Variants in MINK1 observed in about 807,000 individuals in gnomAD.
The protein encoded by MINK1 is misshapen-like kinase 1.
A neutral mutation model predicts 178.4 loss-of-function variants in MINK1; 46 were observed. The ratio of observed to expected loss-of-function variants is 0.26; its 90% CI spans 0.20 to 0.33. The LOEUF (loss-of-function observed/expected upper bound fraction) is 0.33. Among genes scored for constraint, MINK1 ranks in the 10% least tolerant of loss-of-function variants. The pLI, the probability that MINK1 is intolerant of heterozygous loss-of-function variation, is 1.00. For missense variants in MINK1, 1,366 were observed against 1,814.9 expected (o/e 0.75, Z 4.49); for synonymous variants, 797 against 709.7 (o/e 1.12, Z -1.96).
chr17:4,847,234 A>G (rs189073077), intron 1 of MINK1: 5,269 of 409,644 alleles, frequency 0.013, 61 homozygotes, highest in Non-Finnish European at 0.016. Flanking sequence ...GTTCCAGTTC[A>G]TTCATTCATT....
rs1455498886 is a variant in MINK1 at position 4,886,791 on chromosome 17, C to T, written c.949+165C>T. Among the ~76,000 whole-genome samples, 1 of 152,202 alleles carries T rather than the reference C, an allele frequency of 6.6e-6. No individual in the cohort carries two copies. The highest frequency in any genetic ancestry group is 1.5e-5 in the Non-Finnish European group (1 of 68,028). On this transcript the variant is annotated intron_variant, in intron 10 of 31. Transcript: ENST00000355280. The surrounding 1 kb of genome is among the most constrained non-coding windows in gnomAD (Gnocchi z 6.1). ...AACTTGCAACCCCCAAGGGGTTTTC[C>T]CTCCTTTCCCTCCCAGTCTGAATCA... is the stretch of plus-strand genomic sequence containing the variant.
Position 4,894,455 on chromosome 17 carries a change from G to T in MINK1, c.2809-70G>T, listed in dbSNP as rs953840499. 2.0e-6 allele frequency: 3 copies of T among 1,519,080 alleles called. No individual in the cohort carries two copies. Among genetic ancestry groups the T allele is most frequent in the East Asian group, 2.4e-5 (1 of 40,980 alleles). 94.1% of individuals were successfully genotyped at this position (1,519,080 alleles called of 1,614,324 possible). A position where few individuals can be genotyped will look rare whatever the true frequency, so the allele number is the denominator to read the frequency against. ...GCCAGTTGGGGAGCTGGAGCCTGGG[G>T]AACAGCAGCAGGGGCAGGGCCGCAG... On this transcript the variant is annotated intron_variant, in intron 23 of 31. Coordinates refer to ENST00000355280, the MANE Select transcript of MINK1 (RefSeq NM_153827.5). This position sits in a 1 kb window ranked among gnomAD's most constrained non-coding sequence, Gnocchi z 4.1.
chr17:4,871,158 C>T, intron 1 of MINK1: 1 of 231,136 alleles, frequency 4.3e-6, no homozygotes, highest in Non-Finnish European at 9.4e-6. Context: ...AGTTTATTCC[C>T]TTTTTTTGTT....
rs765343387 is a variant in MINK1, at chr17:4,892,130, C to T, written c.2002-19C>T. On this transcript the variant is annotated intron_variant, in intron 16 of 31. Coordinates refer to ENST00000355280, the MANE Select transcript of MINK1 (RefSeq NM_153827.5). ...CCTGTCGCAGCGCCAGCTCGCAGCA[C>T]GTGGACTTCTCTCCACAGGTGCCTC... The T allele has an allele frequency of 9.5e-6, 15 of 1,572,762 alleles. No individual in the cohort carries two copies. The highest frequency in any genetic ancestry group is 8.1e-5 in the African/African-American group (6 of 73,832).
At chr17:4,897,159 C>A in intron 31 of MINK1, 45 bp from the exon 32 acceptor site, 4 of 1,539,596 alleles carry the variant, frequency 2.6e-6, no homozygotes, top group Non-Finnish European at 3.6e-6. Flanking sequence ...TTGAGACACC[C>A]CCCCAACCTC....
intron 2 of MINK1, among the ~76,000 whole-genome samples, chr17:4,880,344 T>G (rs2150988265): frequency 6.7e-6 from 1 of 148,428 alleles, no homozygotes; most frequent in African/African-American, 2.5e-5. Context: ...GTCCCCCAGG[T>G]GGGAGTGCAG....
At chr17:4,846,867 G>A (rs1911121925) in intron 1 of MINK1, among the ~76,000 whole-genome samples, 1 of 152,164 alleles carries the variant, frequency 6.6e-6, no homozygotes, top group Non-Finnish European at 1.5e-5. Context: ...CCAGCAGTCG[G>A]CCAAGGCCTC....
intron 13 of MINK1, chr17:4,890,279 C>T (rs1968658723): frequency 7.8e-7 from 1 of 1,283,250 alleles, no homozygotes; most frequent in African/African-American, 1.5e-5. Context: ...CCTTCAGCAA[C>T]AGCTGCTCCA....
intron 1 of MINK1, among the ~76,000 whole-genome samples, chr17:4,867,165 T>TA (rs1491180705): frequency 1.8e-4 from 15 of 81,628 alleles, no homozygotes; most frequent in African/African-American, 5.8e-4. Flanking sequence ...TTTTTTTTTT[T>TA]AAGCCAGGGT....
Position 4,894,416 on chromosome 17 carries a change from T to C in MINK1, c.2808+105T>C, listed in dbSNP as rs1969211399. The C allele has an allele frequency of 7.2e-6, 11 of 1,531,590 alleles. No homozygotes were observed. The highest frequency in any genetic ancestry group is 1.7e-4 in the Middle Eastern group (1 of 5,774). The allele number at this position is 1,531,590 out of a possible 1,614,324, so 94.9% of individuals were successfully genotyped here. A position where few individuals can be genotyped will look rare whatever the true frequency, so the allele number is the denominator to read the frequency against. On this transcript the variant is annotated intron_variant, in intron 23 of 31. Coordinates refer to ENST00000355280, the MANE Select transcript of MINK1 (RefSeq NM_153827.5). The surrounding 1 kb of genome is among the most constrained non-coding windows in gnomAD (Gnocchi z 4.1). ...GAGGATGGGGCGGAGCGCTGGGAGC[T>C]GGACAGCGGGGGTGCCAGTTGGGGA...
chr17:4,892,332 G>A, intron 17 of MINK1, 70 bp from the exon 18 acceptor site: 1 of 1,471,160 alleles, frequency 6.8e-7, no homozygotes, highest in Non-Finnish European at 9.2e-7. Context: ...CCTGGGGGTG[G>A]GAAAGCCCCA....
At position 4,886,961 on chromosome 17, in the gene MINK1, C is replaced by T. The variant is rs182001909; in HGVS notation, c.950-149C>T. ...TCCTGTCCAGGCCCACACCTGAGAC[C>T]CGCTGTCCTCCCATTGCCCCCAGGA... On this transcript the variant is annotated intron_variant, in intron 10 of 31. Coordinates refer to ENST00000355280, the MANE Select transcript of MINK1 (RefSeq NM_153827.5). The surrounding 1 kb of genome is among the most constrained non-coding windows in gnomAD (Gnocchi z 6.1). 8.6e-4 allele frequency: 651 copies of T among 753,184 alleles called. 1 individual carries two copies. The highest frequency in any genetic ancestry group is 5.3e-3 in the African/African-American group (307 of 57,454). The allele number at this position is 753,184 out of a possible 1,614,324, so 46.7% of individuals were successfully genotyped here.
At chr17:4,891,185 T>TAG in intron 15 of MINK1, 61 bp downstream of exon 15, 1 of 1,208,212 alleles carries the variant, frequency 8.3e-7, no homozygotes, top group Non-Finnish European at 1.1e-6. Context: ...AGAGCACAGG[T>TAG]ACACACACAC....
Position 4,885,320 on chromosome 17 carries a change from C to T in MINK1, c.509-163C>T, listed in dbSNP as rs576883665. ...TCTCTAAGATGCTGGAAGATGGAATCGGGTTCTTCAGGATGGTGGTGGGGT... is the reference window on the plus strand; with the variant it reads ...TCTCTAAGATGCTGGAAGATGGAATTGGGTTCTTCAGGATGGTGGTGGGGT... On this transcript the variant is annotated intron_variant, in intron 6 of 31. Transcript: ENST00000355280. This position sits in a 1 kb window ranked among gnomAD's most constrained non-coding sequence, Gnocchi z 5.0. Among the ~76,000 whole-genome samples, 2 of 152,264 alleles carry T rather than the reference C, an allele frequency of 1.3e-5. No individual in the cohort carries two copies. Among genetic ancestry groups the T allele is most frequent in the East Asian group, 1.9e-4 (1 of 5,186 alleles).
At chr17:4,867,143 T>C (rs1915132198) in intron 1 of MINK1, among the ~76,000 whole-genome samples, 1 of 124,004 alleles carries the variant, frequency 8.1e-6, no homozygotes, top group Non-Finnish European at 1.7e-5. Flanking sequence ...GGACTGTTTT[T>C]TTTTTTTTTT....
At chr17:4,861,770 G>A in intron 1 of MINK1, 1 of 177,666 alleles carries the variant, frequency 5.6e-6, no homozygotes, top group Non-Finnish European at 1.2e-5. Context: ...CAAGGTGCTG[G>A]GATTACAGGG....
rs893399550 is a variant in MINK1, at chr17:4,890,450, G to A, written c.1348-67G>A. 7 of 1,525,164 alleles carry A rather than the reference G, an allele frequency of 4.6e-6. No homozygotes were observed. The East Asian group carries it at 9.9e-5, about 21-fold the overall frequency. The allele number at this position is 1,525,164 out of a possible 1,614,324, so 94.5% of individuals were successfully genotyped here. A position where few individuals can be genotyped will look rare whatever the true frequency, so the allele number is the denominator to read the frequency against. On this transcript the variant is annotated intron_variant, in intron 13 of 31. Transcript: ENST00000355280. The stretch of plus-strand genomic sequence containing the variant: ...TCTCTAGGCAGTTGGAGAAAAGAGA[G>A]GGCATGCCTGCTCTAACTCCCAGGG...
At position 4,863,334 on chromosome 17, in the gene MINK1, C is replaced by T. The variant is rs117163686; in HGVS notation, c.58-14983C>T. On this transcript the variant is annotated intron_variant, in intron 1 of 31. Coordinates refer to ENST00000355280, the MANE Select transcript of MINK1 (RefSeq NM_153827.5). ...CACTCATGGCCTCTGCTTTCCTTTA[C>T]CTGAGATAATAATGGGCTCTCCAGC... Among the ~76,000 whole-genome samples the T allele has an allele frequency of 1.3e-3, 192 of 152,318 alleles. 2 individuals are homozygous for T. In the East Asian group the frequency reaches 0.033, roughly 26 times the overall value.
chr17:4,852,856 G>A (rs1220752320), intron 1 of MINK1, among the ~76,000 whole-genome samples: 1 of 13,624 alleles, frequency 7.3e-5, no homozygotes. Flanking sequence ...TGTGGTTGGT[G>A]GGGGAGTGTG....
Sources: gnomAD v4.1 joint callset for allele counts (sites outside exome capture counted in the v4.1 genomes callset) on GRCh38, gnomAD v4.1.1 for gene constraint, Gnocchi (gnomAD v3.1) non-coding constraint, MANE v1.5 for transcripts, NCBI Gene and HGNC (gene_info 2026-07-23, HGNC 2026-07-21) for gene names.